The following CTNNA2 variants were observed in gnomAD, a reference collection of about 807,000 sequenced individuals.
CTNNA2 encodes catenin alpha 2.
A neutral mutation model predicts 101.0 loss-of-function variants in CTNNA2; 42 were observed. That is an observed-to-expected ratio of 0.42 (90% confidence interval 0.32 to 0.54). The LOEUF (loss-of-function observed/expected upper bound fraction) is 0.54. CTNNA2 is among the 20% of genes least tolerant of loss of function. CTNNA2 has a pLI of 0.14. For missense variants in CTNNA2, 871 were observed against 1,223.1 expected (o/e 0.71, Z 4.29); for synonymous variants, 450 against 456.4 (o/e 0.99, Z 0.18).
intron 7 of CTNNA2, among the ~76,000 whole-genome samples, chr2:80,008,296 C>A (rs907202548): frequency 2.6e-5 from 4 of 152,178 alleles, no homozygotes; most frequent in Non-Finnish European, 5.9e-5. Context: ...CCCGCAGTCA[C>A]CCCACTGTGC....
Position 79,464,777 on chromosome 2 carries a change from G to A in CTNNA2, c.-134-40277G>A, listed in dbSNP as rs938270878. Among the ~76,000 whole-genome samples the A allele has an allele frequency of 1.9e-4, 29 of 152,018 alleles. 1 individual carries two copies. ...TCATGTGTCTTTTGGCTGCATAAAT[G>A]TCTTCCTCTGAGAAGTGTCTGTTCA... On this transcript the variant is annotated intron_variant, in intron 4 of 21. Transcript: ENST00000466387.
intron 6 of CTNNA2, among the ~76,000 whole-genome samples, chr2:79,890,395 A>G (rs1684218278): frequency 6.6e-6 from 1 of 152,154 alleles, no homozygotes; most frequent in East Asian, 1.9e-4. Flanking sequence ...TCTCCCTCCC[A>G]ACCAGATTGT....
At chr2:80,576,103 T>C (rs1695016388) in intron 13 of CTNNA2, 1 of 152,200 alleles carries the variant, frequency 6.6e-6, no homozygotes, top group African/African-American at 2.4e-5. Flanking sequence ...CCAAAACATT[T>C]GACCATACCT....
At chr2:80,586,424 C>G (rs1297677929) in intron 14 of CTNNA2, 1 of 152,120 alleles carries the variant, frequency 6.6e-6, no homozygotes, top group African/African-American at 2.4e-5. Context: ...AGAGAAGCAC[C>G]TAGCGAATGT....
At chr2:80,043,009 C>T (rs111728024) in intron 7 of CTNNA2, among the ~76,000 whole-genome samples, 2,330 of 148,834 alleles carry the variant, frequency 0.016, 74 homozygotes, top group African/African-American at 0.056. Flanking sequence ...CCTTTCCTTC[C>T]TTTCTTTCCC....
At chr2:79,424,713 A>G (rs142262622) in intron 4 of CTNNA2, among the ~76,000 whole-genome samples, 1 of 152,128 alleles carries the variant, frequency 6.6e-6, no homozygotes, top group African/African-American at 2.4e-5. Flanking sequence ...GACGATATCT[A>G]ACTACTACAA....
chr2:79,610,984 A>G (rs1678234890), intron 1 of CTNNA2, among the ~76,000 whole-genome samples: 1 of 152,178 alleles, frequency 6.6e-6, no homozygotes, highest in Admixed American at 6.6e-5. Context: ...GATAAATCTC[A>G]AAACCGTAAT....
intron 9 of CTNNA2, among the ~76,000 whole-genome samples, chr2:80,427,761 A>C (rs1574015737): frequency 6.6e-6 from 1 of 152,214 alleles, no homozygotes; most frequent in Non-Finnish European, 1.5e-5. Context: ...CCCTTGAGTA[A>C]ATTGCTCTTC....
chr2:80,318,463 C>T (rs1226683990), intron 7 of CTNNA2, among the ~76,000 whole-genome samples: 1 of 152,054 alleles, frequency 6.6e-6, no homozygotes, highest in African/African-American at 2.4e-5. Context: ...TTGCCACTTA[C>T]TAGTAATTTA....
intron 3 of CTNNA2, among the ~76,000 whole-genome samples, chr2:79,336,081 C>A (rs184080750): frequency 3.9e-5 from 6 of 152,268 alleles, no homozygotes; most frequent in African/African-American, 1.2e-4. Context: ...GCAAACTATG[C>A]TTTTTCTTTT....
chr2:79,750,881 A>AT (rs1671983905), intron 3 of CTNNA2, among the ~76,000 whole-genome samples: 1 of 152,046 alleles, frequency 6.6e-6, no homozygotes, highest in Non-Finnish European at 1.5e-5. Flanking sequence ...CAAAAAAAAA[A>AT]AAAGAGGTAG....
chr2:79,319,240 C>T (rs980359836), intron 3 of CTNNA2, among the ~76,000 whole-genome samples: 8 of 152,164 alleles, frequency 5.3e-5, no homozygotes, highest in Admixed American at 5.2e-4. Flanking sequence ...ACTTCTTGCA[C>T]CTGTTGCTCT....
chr2:80,059,101 T>C (rs946608718), intron 7 of CTNNA2, among the ~76,000 whole-genome samples: 1 of 152,188 alleles, frequency 6.6e-6, no homozygotes, highest in African/African-American at 2.4e-5. Context: ...GACACTGCAT[T>C]TGTGTAGTTA....
At chr2:80,338,113 C>T (rs963574607) in intron 7 of CTNNA2, among the ~76,000 whole-genome samples, 1 of 151,932 alleles carries the variant, frequency 6.6e-6, no homozygotes, top group African/African-American at 2.4e-5. Flanking sequence ...CTCAGCCTCC[C>T]GAGTAGCTGG....
intron 3 of CTNNA2, among the ~76,000 whole-genome samples, chr2:79,812,871 T>C (rs1677161842): frequency 6.6e-6 from 1 of 152,090 alleles, no homozygotes; most frequent in Non-Finnish European, 1.5e-5. Flanking sequence ...CCAACTTCCC[T>C]GGAACGTCCT....
chr2:79,549,788 C>G (rs184504821), intron 1 of CTNNA2, among the ~76,000 whole-genome samples: 187 of 152,258 alleles, frequency 1.2e-3, no homozygotes, highest in African/African-American at 4.2e-3. Flanking sequence ...GGGAGGACCA[C>G]TACCCCTGGT....
intron 2 of CTNNA2, among the ~76,000 whole-genome samples, chr2:79,741,654 T>G (rs1321349099): frequency 6.6e-6 from 1 of 152,200 alleles, no homozygotes; most frequent in Non-Finnish European, 1.5e-5. Flanking sequence ...ACATTTCTCC[T>G]TTGTTACTGC....
intron 12 of CTNNA2, among the ~76,000 whole-genome samples, chr2:80,562,540 ATCT>A (rs1318242654): frequency 6.6e-6 from 1 of 152,246 alleles, no homozygotes. Flanking sequence ...GAAATTTGAC[ATCT>A]TCTGTCAACA....
intron 6 of CTNNA2, among the ~76,000 whole-genome samples, chr2:79,882,100 A>G (rs1683474047): frequency 1.3e-5 from 2 of 151,996 alleles, no homozygotes; most frequent in African/African-American, 4.8e-5. Flanking sequence ...TCTGGGTTGA[A>G]AATTCTTTTC....
Sources: allele counts gnomAD v4.1 joint callset (sites outside exome capture counted in the v4.1 genomes callset), GRCh38; gene constraint gnomAD v4.1.1; transcripts MANE v1.5; gene names NCBI Gene and HGNC (gene_info 2026-07-23, HGNC 2026-07-21).